The following CRLF3 variants were observed in gnomAD, a reference collection of about 807,000 sequenced individuals.
The protein encoded by CRLF3 is cytokine receptor like factor 3.
Under a neutral mutation model 55.0 loss-of-function variants are expected in CRLF3, and 33 were observed. The ratio of observed to expected loss-of-function variants is 0.60; its 90% CI spans 0.46 to 0.80. The LOEUF (loss-of-function observed/expected upper bound fraction) is 0.80. Ranked by LOEUF, CRLF3 falls within the 30% of genes least tolerant of loss-of-function variation. The pLI, the probability that CRLF3 is intolerant of heterozygous loss-of-function variation, is 0.00. For missense variants in CRLF3, 494 were observed against 538.4 expected, an observed-to-expected ratio of 0.92 and a Z score of 0.82; for synonymous variants, 238 against 196.8, an observed-to-expected ratio of 1.21 and a Z score of -1.75.
intron 2 of CRLF3, chr17:30,801,091 T>A (rs60482373): frequency 0.13 from 19,604 of 150,790 alleles, 1,342 homozygotes; most frequent in South Asian, 0.25. Context: ...CTATTTTTTT[T>A]TAAAAAAATT....
At position 30,793,685 on chromosome 17, in the gene CRLF3, G is replaced by C; in HGVS notation, c.604-13C>G. 1 of 1,576,584 alleles carries C rather than the reference G, an allele frequency of 6.3e-7. No homozygotes were observed. Among genetic ancestry groups the C allele is most frequent in the Non-Finnish European group, 8.7e-7 (1 of 1,152,600 alleles). On this transcript the variant is annotated splice_polypyrimidine_tract_variant and intron_variant, in intron 4 of 7. Coordinates refer to ENST00000324238, the MANE Select transcript of CRLF3 (RefSeq NM_015986.4). The stretch of plus-strand genomic sequence containing the variant: ...AGTCATCATCCACCTAGGGAGAAAA[G>C]CTTTATGTTAGGTAAAAAACAGAAA...
intron 2 of CRLF3, among the ~76,000 whole-genome samples, chr17:30,798,377 C>A (rs1307685714): frequency 2.7e-5 from 4 of 147,764 alleles, no homozygotes; most frequent in African/African-American, 5.0e-5. Flanking sequence ...GACTCCGTCC[C>A]CCCCGCCAAA....
chr17:30,793,353 C>A, intron 5 of CRLF3, 97 bp downstream of exon 5: 1 of 851,678 alleles, frequency 1.2e-6, no homozygotes, highest in Non-Finnish European at 1.9e-6. Context: ...AGGATCTATG[C>A]TTAGAATAGC....
intron 6 of CRLF3, chr17:30,790,996 G>A (rs561396495): frequency 9.8e-5 from 15 of 152,426 alleles, no homozygotes; most frequent in African/African-American, 3.4e-4. Flanking sequence ...TCAGCTCACT[G>A]TAACCTCTGC....
rs184105260 is a variant in CRLF3 at position 30,804,714 on chromosome 17, A to G, written c.130-606T>C. 7.9e-5 allele frequency among the ~76,000 whole-genome samples: 12 copies of G among 152,280 alleles called. No individual in the cohort carries two copies. The East Asian group carries it at 2.1e-3, about 27-fold the overall frequency. On this transcript the variant is annotated intron_variant, in intron 1 of 7. Transcript: ENST00000324238. ...CATTGTATATATACATCTTCCATTC[A>G]TTGATAAACCAAATGTGATTCATTT...
Position 30,824,543 on chromosome 17 carries a change from G to A in CRLF3, c.109C>T (p.Leu37=), listed in dbSNP as rs963975204. 3.8e-6 allele frequency: 6 copies of A among 1,594,226 alleles called. No homozygotes were observed. The African/African-American group carries it at 6.7e-5, about 18-fold the overall frequency. ...RRELGHRLEG[L]REARRQIKES... is the part of the protein sequence containing the mutation. Reference sequence around the variant, plus strand: ...CCGACCTGCCTCCGCGCCTCACGCAGCCCCTCAAGCCGGTGACCCAGCTCC... The same window carrying A: ...CCGACCTGCCTCCGCGCCTCACGCAACCCCTCAAGCCGGTGACCCAGCTCC... The change falls in exon 1 of 8, where the codon CTG becomes TTG. Residue 37 remains leucine (L), a synonymous_variant. Coordinates refer to ENST00000324238, the MANE Select transcript of CRLF3 (RefSeq NM_015986.4).
chr17:30,797,174 A>C, intron 3 of CRLF3, 137 bp downstream of exon 3: 1 of 687,972 alleles, frequency 1.5e-6, no homozygotes, highest in Non-Finnish European at 2.5e-6. Context: ...TACAGGTGTA[A>C]ACCACCACGC....
At chr17:30,797,746 G>A (rs1284684523) in intron 2 of CRLF3, among the ~76,000 whole-genome samples, 2 of 150,202 alleles carry the variant, frequency 1.3e-5, no homozygotes, top group Non-Finnish European at 3.0e-5. Context: ...ACAAAATATT[G>A]CCCTGAGAGG....
rs1183764424 is a variant in CRLF3, at chr17:30,797,326, T to C, written c.410A>G (p.His137Arg). 8 of 1,613,514 alleles carry C rather than the reference T, an allele frequency of 5.0e-6. No homozygotes were observed. Among genetic ancestry groups the C allele is most frequent in the South Asian group, 1.1e-5 (1 of 91,076 alleles). Residue 137 changes from histidine to arginine, a missense_variant, in exon 3 of 8, where the codon CAC becomes CGC. Physicochemically the swap from His to Arg is conservative, Grantham distance 29. Transcript: ENST00000324238. Reference sequence around the variant, plus strand: ...ACTCTTTTACCTGTCCAACTGAATGTGCGAGGCCTTTTTGGTAAAGCTCCA... The same window carrying C: ...ACTCTTTTACCTGTCCAACTGAATGCGCGAGGCCTTTTTGGTAAAGCTCCA... ...KLWSFTKKAS[H>R]IQLDSLPEVP...
intron 6 of CRLF3, among the ~76,000 whole-genome samples, chr17:30,791,269 C>G (rs1426780169): frequency 6.6e-6 from 1 of 151,980 alleles, no homozygotes; most frequent in African/African-American, 2.4e-5. Flanking sequence ...TGGGGTTTCA[C>G]CATGTTGGCC....
At position 30,818,678 on chromosome 17, in the gene CRLF3, T is replaced by C. The variant is rs535033841; in HGVS notation, c.129+5845A>G. ...CGTATGGGTCAGGCTTGTCTCAAACTCCTGACCTCAGGTGATCCGCCCGCC... is the reference window on the plus strand; with the variant it reads ...CGTATGGGTCAGGCTTGTCTCAAACCCCTGACCTCAGGTGATCCGCCCGCC... On this transcript the variant is annotated intron_variant, in intron 1 of 7. Coordinates refer to ENST00000324238, the MANE Select transcript of CRLF3 (RefSeq NM_015986.4). Among the ~76,000 whole-genome samples, 78 of 152,112 alleles carry C rather than the reference T, an allele frequency of 5.1e-4. 1 individual carries two copies. The highest frequency in any genetic ancestry group is 1.7e-3 in the African/African-American group (71 of 41,524).
rs1329306384 is a variant in CRLF3, at chr17:30,784,285, T to C, written c.1231A>G (p.Arg411Gly). 1.9e-6 allele frequency: 3 copies of C among 1,614,046 alleles called. No homozygotes were observed. Among genetic ancestry groups the C allele is most frequent in the Non-Finnish European group, 2.5e-6 (3 of 1,179,934 alleles). The change falls in exon 8 of 8, where the codon AGA (arginine) becomes GGA (glycine). Residue 411 changes from arginine (R) to glycine (G), a missense_variant. By Grantham distance (125) the Arg-to-Gly change is moderately radical. Coordinates refer to ENST00000324238, the MANE Select transcript of CRLF3 (RefSeq NM_015986.4). ...KLRVTISSNN[R>G]EVVFDWLLDQ... The stretch of plus-strand genomic sequence containing the variant: ...AGTAACCAGTCAAAAACCACTTCTC[T>C]ATTATTTGAACTTATAGTTACTCGA...
intron 2 of CRLF3, among the ~76,000 whole-genome samples, chr17:30,800,818 A>T (rs1971996104): frequency 7.2e-6 from 1 of 138,642 alleles, no homozygotes; most frequent in African/African-American, 2.7e-5. Context: ...TCTGTCGCCC[A>T]GGCTGGAGTG....
chr17:30,797,290 A>T (rs1229638431), intron 3 of CRLF3, 21 bp downstream of exon 3: 4 of 1,576,408 alleles, frequency 2.5e-6, no homozygotes, highest in Non-Finnish European at 3.5e-6. Context: ...AAGTAAGTCA[A>T]AAAGGCACAA....
intron 6 of CRLF3, chr17:30,787,524 C>G (rs1971675711): frequency 7.1e-6 from 1 of 141,754 alleles, no homozygotes; most frequent in African/African-American, 2.6e-5. Flanking sequence ...AGAAAGCCAA[C>G]TTTGCAAGGA....
At chr17:30,813,669 T>G (rs968972532) in intron 1 of CRLF3, among the ~76,000 whole-genome samples, 4 of 152,080 alleles carry the variant, frequency 2.6e-5, no homozygotes, top group Non-Finnish European at 5.9e-5. Flanking sequence ...TTGTTACATA[T>G]GTATACATCT....
chr17:30,784,339 T>C lies in CRLF3; in HGVS notation c.1177A>G (p.Ser393Gly). ...DIEAVTLGTT[S>G]NNEGGHFKLR... Reference sequence around the variant, plus strand: ...TTGAAGTGTCCACCTTCATTATTACTGGTGGTTCCTAGAGTCACGGCTTCA... The same window carrying C: ...TTGAAGTGTCCACCTTCATTATTACCGGTGGTTCCTAGAGTCACGGCTTCA... Residue 393 changes from serine to glycine, a missense_variant, in exon 8 of 8, where the codon AGT (serine) becomes GGT (glycine). Physicochemically the swap from Ser to Gly is moderately conservative, Grantham distance 56. Transcript: ENST00000324238. 1 of 1,614,140 alleles carries C rather than the reference T, an allele frequency of 6.2e-7. No individual in the cohort carries two copies. The highest frequency in any genetic ancestry group is 8.5e-7 in the Non-Finnish European group (1 of 1,179,962).
intron 2 of CRLF3, chr17:30,803,593 C>A (rs1229207629): frequency 1.1e-5 from 3 of 276,926 alleles, no homozygotes; most frequent in Non-Finnish European, 1.4e-5. Context: ...CAGGAGGGAC[C>A]CGGTGGGAGA....
intron 4 of CRLF3, among the ~76,000 whole-genome samples, chr17:30,795,198 C>T (rs1398555287): frequency 6.6e-6 from 1 of 152,100 alleles, no homozygotes; most frequent in African/African-American, 2.4e-5. Context: ...AATAAAATCT[C>T]AGCTGGGCAC....
Sources: allele counts gnomAD v4.1 joint callset (sites outside exome capture counted in the v4.1 genomes callset), GRCh38; gene constraint gnomAD v4.1.1; transcripts MANE v1.5; gene names NCBI Gene and HGNC (gene_info 2026-07-23, HGNC 2026-07-21).